Variants in TENM2 observed in about 807,000 individuals in gnomAD.
TENM2 encodes the protein teneurin transmembrane protein 2.
Under a neutral mutation model 245.2 loss-of-function variants are expected in TENM2, and 52 were observed. The ratio of observed to expected loss-of-function variants is 0.21; its 90% CI spans 0.17 to 0.27. The LOEUF is 0.27. TENM2 is among the 10% of genes least tolerant of loss of function. The probability of loss-of-function intolerance (pLI) is 1.00; values close to 1 mark genes in which losing one functional copy is unlikely to be tolerated. For synonymous variants in TENM2, 1,363 were observed against 1,438.9 expected (o/e 0.95, Z 1.19); for missense variants, 3,046 against 3,666.8 (o/e 0.83, Z 4.37).
At chr5:168,003,506 C>T (rs917265436) in intron 5 of TENM2, among the ~76,000 whole-genome samples, 1 of 152,018 alleles carries the variant, frequency 6.6e-6, no homozygotes, top group African/African-American at 2.4e-5. Flanking sequence ...CTAGGAAATG[C>T]CATACATCAA....
intron 2 of TENM2, among the ~76,000 whole-genome samples, chr5:167,560,582 T>C (rs941783586): frequency 9.2e-5 from 14 of 152,134 alleles, no homozygotes; most frequent in Non-Finnish European, 1.5e-4. Flanking sequence ...AGCACATTAT[T>C]TGTCTCCTCT....
At chr5:167,842,029 GAA>G (rs1334512161) in intron 2 of TENM2, among the ~76,000 whole-genome samples, 1 of 152,028 alleles carries the variant, frequency 6.6e-6, no homozygotes, top group African/African-American at 2.4e-5. Flanking sequence ...AAAGAACCGT[GAA>G]TTCTTTTTGA....
intron 2 of TENM2, among the ~76,000 whole-genome samples, chr5:167,543,223 A>C (rs1772329745): frequency 6.6e-6 from 1 of 152,196 alleles, no homozygotes; most frequent in South Asian, 2.1e-4. Context: ...GAGCTTCCTC[A>C]AACGGTGGTA....
chr5:167,344,144 T>C (rs1758295101), intron 1 of TENM2, among the ~76,000 whole-genome samples: 1 of 148,820 alleles, frequency 6.7e-6, no homozygotes, highest in African/African-American at 2.4e-5. Flanking sequence ...ATATTATTTA[T>C]ATATTGCTAT....
At chr5:168,083,639 A>G (rs182507235) in intron 7 of TENM2, among the ~76,000 whole-genome samples, 14 of 152,214 alleles carry the variant, frequency 9.2e-5, no homozygotes, top group African/African-American at 3.4e-4. Context: ...AAGGGGGAAG[A>G]TTAATTCTAA....
At chr5:167,302,605 G>A (rs563992834) in intron 1 of TENM2, among the ~76,000 whole-genome samples, 15 of 151,782 alleles carry the variant, frequency 9.9e-5, no homozygotes, top group East Asian at 3.9e-4. Context: ...AGGTCAGGGC[G>A]TGGAAAAGGA....
At chr5:167,424,206 G>A (rs1371403239) in intron 2 of TENM2, among the ~76,000 whole-genome samples, 1 of 151,814 alleles carries the variant, frequency 6.6e-6, no homozygotes, top group Non-Finnish European at 1.5e-5. Context: ...CAATTGTCTT[G>A]TTCTCTCAGT....
intron 5 of TENM2, among the ~76,000 whole-genome samples, chr5:168,043,088 G>A (rs2152019021): frequency 6.6e-6 from 1 of 152,282 alleles, no homozygotes; most frequent in South Asian, 2.1e-4. Context: ...TTTGGACCAG[G>A]CCTTTTGGGA....
At chr5:168,175,038 T>G (rs1381848169) in intron 13 of TENM2, among the ~76,000 whole-genome samples, 1 of 152,124 alleles carries the variant, frequency 6.6e-6, no homozygotes, top group Non-Finnish European at 1.5e-5. Flanking sequence ...TCCACAGACT[T>G]TGGAATCAGA....
intron 2 of TENM2, among the ~76,000 whole-genome samples, chr5:167,383,728 TAAAAAAAAAA>T (rs10549785): frequency 9.1e-6 from 1 of 110,416 alleles, no homozygotes; most frequent in East Asian, 3.3e-4. Context: ...TGGTGCAGGA[TAAAAAAAAAA>T]AAAAAAAAAA....
chr5:167,375,540 T>G, intron 2 of TENM2, 67 bp downstream of exon 4: 1 of 1,479,864 alleles, frequency 6.8e-7, no homozygotes, highest in Non-Finnish European at 9.1e-7. Context: ...TTGAATGTTT[T>G]TGTTTTTTAA....
At chr5:168,086,814 C>T (rs1244846312) in intron 7 of TENM2, among the ~76,000 whole-genome samples, 3 of 152,208 alleles carry the variant, frequency 2.0e-5, no homozygotes, top group South Asian at 2.1e-4. Flanking sequence ...CCTGAGTTAT[C>T]AATTCCCAGT....
At position 167,900,955 on chromosome 5, in the gene TENM2, T is replaced by C. The variant is rs373232079; in HGVS notation, c.712+24760T>C. On this transcript the variant is annotated intron_variant, in intron 3 of 28. Coordinates refer to ENST00000518659, the Ensembl canonical transcript of TENM2. Reference sequence around the variant, plus strand: ...AGTCCTGCGGGGTGGGGGACAGGAATGTAAAAAAGGCCTGAGATGTCTTTT... The same window carrying C: ...AGTCCTGCGGGGTGGGGGACAGGAACGTAAAAAAGGCCTGAGATGTCTTTT... 1.9e-4 allele frequency among the ~76,000 whole-genome samples: 29 copies of C among 152,234 alleles called. No homozygotes were observed. The East Asian group carries it at 2.1e-3, about 11-fold the overall frequency.
exon 19 of TENM2, chr5:168,204,616 G>A (rs1391549518): frequency 1.2e-6 from 2 of 1,613,334 alleles, no homozygotes; most frequent in East Asian, 2.2e-5. Context: ...GCATCTTGGA[G>A]TTACGGTAAA....
At chr5:167,018,214 C>T in the TENM2 span, among the ~76,000 whole-genome samples, 1 of 152,082 alleles carries the variant, frequency 6.6e-6, no homozygotes, top group African/African-American at 2.4e-5. Flanking sequence ...TGATATATCA[C>T]AATTCTTGTT....
chr5:167,212,994 T>A, the TENM2 span, among the ~76,000 whole-genome samples: 3 of 152,196 alleles, frequency 2.0e-5, no homozygotes, highest in South Asian at 6.2e-4. Context: ...TGCGCAAAAT[T>A]TGAAACAATA....
intron 5 of TENM2, among the ~76,000 whole-genome samples, chr5:168,004,513 GCGCGCACACACACA>G (rs1562040685): frequency 6.3e-4 from 48 of 75,812 alleles, no homozygotes; most frequent in African/African-American, 2.9e-3. Context: ...GCATGCGCGC[GCGCGCACACACACA>G]CACACACACA....
the TENM2 span, among the ~76,000 whole-genome samples, chr5:167,190,387 T>C: frequency 1.3e-5 from 2 of 152,044 alleles, no homozygotes; most frequent in African/African-American, 4.8e-5. Context: ...GCATCCCCTC[T>C]TCCTAAGCCT....
At chr5:167,375,363 T>C in exon 2 of TENM2, 1 of 1,551,662 alleles carries the variant, frequency 6.4e-7, no homozygotes, top group Non-Finnish European at 8.7e-7. Context: ...GCCATCAGAC[T>C]GTGGGGCAGA....
Sources: allele counts gnomAD v4.1 joint callset (sites outside exome capture counted in the v4.1 genomes callset), GRCh38; gene constraint gnomAD v4.1.1; transcripts MANE v1.5; gene names NCBI Gene and HGNC (gene_info 2026-07-23, HGNC 2026-07-21).